The following GDA variants were observed in gnomAD, a reference collection of about 807,000 sequenced individuals.
GDA encodes the protein guanine deaminase, also known as cytoplasmic PSD-95 interactor.
A neutral mutation model predicts 59.6 loss-of-function variants in GDA; 18 were observed. The observed-to-expected ratio is 0.30, with a 90% CI of 0.21 to 0.45. The LOEUF (loss-of-function observed/expected upper bound fraction) is 0.45. GDA is among the 20% of genes least tolerant of loss of function. The pLI is 1.00. For missense variants in GDA, 427 were observed against 552.3 expected (o/e 0.77, Z 2.27); for synonymous variants, 201 against 201.1 (o/e 1.00, Z 0.00).
intron 1 of GDA, among the ~76,000 whole-genome samples, chr9:72,122,899 C>A (rs1825713225): frequency 6.6e-6 from 1 of 152,228 alleles, no homozygotes; most frequent in African/African-American, 2.4e-5. Flanking sequence ...GGAGAAGAAT[C>A]CACTTTGACA....
At chr9:72,223,455 A>G (rs762679273) in intron 7 of GDA, among the ~76,000 whole-genome samples, 4 of 152,172 alleles carry the variant, frequency 2.6e-5, no homozygotes, top group Non-Finnish European at 5.9e-5. Context: ...TATACCCTCA[A>G]TGTTTTCTGA....
At chr9:72,158,073 ATCT>A (rs1401893118) in intron 1 of GDA, among the ~76,000 whole-genome samples, 16 of 152,222 alleles carry the variant, frequency 1.1e-4, no homozygotes, top group African/African-American at 3.9e-4. Flanking sequence ...CCCAGCTCTG[ATCT>A]TCTCTTTTTC....
chr9:72,158,734 C>A (rs952601963), intron 1 of GDA, among the ~76,000 whole-genome samples: 3 of 152,114 alleles, frequency 2.0e-5, no homozygotes, highest in African/African-American at 7.2e-5. Flanking sequence ...AGAATGTTCT[C>A]ACTCACTGAA....
intron 12 of GDA, among the ~76,000 whole-genome samples, chr9:72,247,139 A>G (rs896237519): frequency 2.0e-5 from 3 of 152,232 alleles, no homozygotes; most frequent in African/African-American, 4.8e-5. Context: ...TTTAATTTAT[A>G]TAATACCTTT....
intron 1 of GDA, among the ~76,000 whole-genome samples, chr9:72,174,398 A>T (rs933885941): frequency 2.0e-5 from 3 of 152,246 alleles, no homozygotes; most frequent in African/African-American, 4.8e-5. Flanking sequence ...AATTTTACAT[A>T]TACTGTCTCT....
Position 72,250,251 on chromosome 9 carries a change from C to T in GDA, c.*1909C>T, listed in dbSNP as rs975678109. ...AGATGAGATGTGTAAGATTCACTTA[C>T]AGGCAGTAGCTGCTTCTAGCATTTG... On this transcript the variant is annotated 3_prime_UTR_variant, in exon 14 of 14. Transcript: ENST00000358399. 5 of 992,914 alleles carry T rather than the reference C, an allele frequency of 5.0e-6. No individual in the cohort carries two copies. The highest frequency in any genetic ancestry group is 1.7e-5 in the African/African-American group (1 of 57,286). 61.5% of individuals were successfully genotyped at this position (992,914 alleles called of 1,614,324 possible).
At position 72,248,569 on chromosome 9, in the gene GDA, A is replaced by T. The variant is rs1840392091; in HGVS notation, c.*227A>T. 32 of 1,350,292 alleles carry T rather than the reference A, an allele frequency of 2.4e-5. 1 individual carries two copies. In the South Asian group the frequency reaches 5.5e-4, roughly 23 times the overall value. 83.6% of individuals were successfully genotyped at this position (1,350,292 alleles called of 1,614,324 possible). ...ATTTCATGAAAATATCTCCCTTTGG[A>T]GCTGCTCAGACTTACTTTAAGCTCA... On this transcript the variant is annotated 3_prime_UTR_variant, in exon 14 of 14. Transcript: ENST00000358399.
At chr9:72,148,288 G>C (rs1455637552), upstream of GDA, among the ~76,000 whole-genome samples, 1 of 149,108 alleles carries the variant, frequency 6.7e-6, no homozygotes, top group Non-Finnish European at 1.5e-5. Flanking sequence ...CTCCTGTGGT[G>C]CTTCTGTTAT....
chr9:72,222,716 T>C (rs915659578), intron 6 of GDA, among the ~76,000 whole-genome samples: 7 of 152,056 alleles, frequency 4.6e-5, no homozygotes, highest in Non-Finnish European at 1.0e-4. Flanking sequence ...GGTTTTTTGT[T>C]TTTTTTTGAG....
At chr9:72,247,711 G>T (rs1347035917) in intron 13 of GDA, among the ~76,000 whole-genome samples, 1 of 152,088 alleles carries the variant, frequency 6.6e-6, no homozygotes, top group Admixed American at 6.6e-5. Flanking sequence ...CAACCCTCTT[G>T]TACTCATTCG....
chr9:72,130,005 CGTT>C (rs1390070931), intron 1 of GDA, among the ~76,000 whole-genome samples: 2 of 152,170 alleles, frequency 1.3e-5, no homozygotes, highest in South Asian at 2.1e-4. Context: ...GCTTGCCAGA[CGTT>C]GTTGGATGGG....
intron 3 of GDA, among the ~76,000 whole-genome samples, chr9:72,209,465 T>A (rs1188294274): frequency 6.6e-6 from 1 of 152,190 alleles, no homozygotes; most frequent in Non-Finnish European, 1.5e-5. Flanking sequence ...CTGATTTTCA[T>A]AGCATTCTGT....
chr9:72,124,735 T>C (rs1825786229), intron 1 of GDA, among the ~76,000 whole-genome samples: 2 of 152,160 alleles, frequency 1.3e-5, no homozygotes, highest in Non-Finnish European at 2.9e-5. Flanking sequence ...TGTTATATGA[T>C]GGAGGTGGCT....
chr9:72,223,650 G>A (rs114825318), intron 7 of GDA, among the ~76,000 whole-genome samples: 1,781 of 152,252 alleles, frequency 0.012, 41 homozygotes, highest in African/African-American at 0.041. Context: ...AGCAAAAAGA[G>A]CCTAATTTCC....
At chr9:72,220,502 A>G (rs556542602) in intron 6 of GDA, among the ~76,000 whole-genome samples, 1 of 152,322 alleles carries the variant, frequency 6.6e-6, no homozygotes, top group East Asian at 1.9e-4. Context: ...TCTTAAGTTC[A>G]CTAAGCTTTT....
At chr9:72,159,641 G>A (rs1254403142) in intron 1 of GDA, among the ~76,000 whole-genome samples, 4 of 152,126 alleles carry the variant, frequency 2.6e-5, no homozygotes, top group African/African-American at 4.8e-5. Flanking sequence ...GAAAAATAAA[G>A]TGCATCATAA....
chr9:72,118,435 G>A (rs1825545744), intron 1 of GDA, among the ~76,000 whole-genome samples: 1 of 151,924 alleles, frequency 6.6e-6, no homozygotes, highest in East Asian at 1.9e-4. Context: ...CATACTTACA[G>A]TGCTATAAAG....
chr9:72,237,163 G>A (rs1418639577), intron 10 of GDA, among the ~76,000 whole-genome samples: 1 of 152,036 alleles, frequency 6.6e-6, no homozygotes, highest in East Asian at 1.9e-4. Context: ...TCTTCAAAGA[G>A]TGGGGATCCA....
intron 3 of GDA, among the ~76,000 whole-genome samples, chr9:72,206,950 T>C (rs1834795428): frequency 6.6e-6 from 1 of 152,154 alleles, no homozygotes; most frequent in South Asian, 2.1e-4. Context: ...CTTTTTTTTT[T>C]TGACTCTTGA....
Sources: gnomAD v4.1 joint callset for allele counts (sites outside exome capture counted in the v4.1 genomes callset) on GRCh38, gnomAD v4.1.1 for gene constraint, MANE v1.5 for transcripts, NCBI Gene and HGNC (gene_info 2026-07-23, HGNC 2026-07-21) for gene names.